NIBAN3: variants seen among roughly 807,000 people sequenced by gnomAD.
The protein encoded by NIBAN3 is protein Niban 3.
In NIBAN3, 66 loss-of-function variants were observed where a neutral mutation model predicts 76.4. That is an observed-to-expected ratio of 0.86 (90% confidence interval 0.71 to 1.06). The LOEUF is 1.06. NIBAN3 is among the 50% of genes least tolerant of loss of function. NIBAN3 has a pLI of 0.00. For synonymous variants in NIBAN3, 360 were observed against 355.2 expected, an observed-to-expected ratio of 1.01 and a Z score of -0.15; for missense variants, 808 against 810.7, an observed-to-expected ratio of 1.00 and a Z score of 0.04.
rs913123281 is a variant in NIBAN3 at position 17,542,073 on chromosome 19, G to T, written c.1171-63G>T. 14 of 1,585,424 alleles carry T rather than the reference G, an allele frequency of 8.8e-6. No individual in the cohort carries two copies. In the African/African-American group the frequency reaches 1.5e-4, roughly 17 times the overall value. On this transcript the variant is annotated intron_variant, in intron 9 of 14. Transcript: ENST00000599164. This position sits in a 1 kb window ranked among gnomAD's most constrained non-coding sequence, Gnocchi z 4.8. ...TCTCCTTTGGTGAATTGGTAATGGG[G>T]TCCCTGGCCCTTTGCAATCAGCTGA...
chr19:17,540,391 G>A lies in NIBAN3; in HGVS notation c.980-1G>A. The A allele has an allele frequency of 6.7e-7, 1 of 1,482,840 alleles. No homozygotes were observed. The highest frequency in any genetic ancestry group is 1.4e-5 in the South Asian group (1 of 73,860). 91.9% of individuals were successfully genotyped at this position (1,482,840 alleles called of 1,614,324 possible). A position where few individuals can be genotyped will look rare whatever the true frequency, so the allele number is the denominator to read the frequency against. On this transcript the variant is annotated splice_acceptor_variant, in intron 8 of 14. Transcript: ENST00000599164. LOFTEE classifies it high-confidence loss of function. ...TCCAGACCAGTGTCTTCCACTCCCA[G>A]CGGATATCAGGGGACCGCTCGAGTC...
Position 17,543,816 on chromosome 19 carries a change from C to T in NIBAN3, c.1554+185C>T, listed in dbSNP as rs185380486. On this transcript the variant is annotated intron_variant, in intron 12 of 14. Coordinates refer to ENST00000599164, the MANE Select transcript of NIBAN3 (RefSeq NM_001321827.2). Reference sequence around the variant, plus strand: ...GACTAGCCTGGCTAACATAGTGAAACCCTGTCTCTACTAAAAATACAAAAA... The same window carrying T: ...GACTAGCCTGGCTAACATAGTGAAATCCTGTCTCTACTAAAAATACAAAAA... 9.9e-5 allele frequency: 47 copies of T among 474,726 alleles called. No individual in the cohort carries two copies. The East Asian group carries it at 1.7e-3, about 17-fold the overall frequency. 29.4% of individuals were successfully genotyped at this position (474,726 alleles called of 1,614,324 possible).
intron 2 of NIBAN3, 148 bp downstream of exon 2, chr19:17,531,033 G>A (rs2075711880): frequency 2.0e-6 from 2 of 991,036 alleles, no homozygotes; most frequent in Non-Finnish European, 2.8e-6. Flanking sequence ...TCACTGAGCA[G>A]CCAAGCAAGG....
intron 8 of NIBAN3, 139 bp downstream of exon 8, chr19:17,539,904 T>G: frequency 7.5e-6 from 2 of 265,844 alleles, no homozygotes; most frequent in Non-Finnish European, 1.3e-5. Flanking sequence ...AAGCATAGGA[T>G]GTGCAAGGGA....
In NIBAN3 at chr19:17,527,498, A is replaced by G. The variant is rs1343244503; in HGVS notation, c.55+103A>G. 3.2e-6 allele frequency: 4 copies of G among 1,249,956 alleles called. No individual in the cohort carries two copies. In the African/African-American group the frequency reaches 6.1e-5, roughly 19 times the overall value. The allele number at this position is 1,249,956 out of a possible 1,614,324, so 77.4% of individuals were successfully genotyped here. ...AGCAGATGGGGTTCGGTTCAGACCT[A>G]GGGCTGTCAAAACACACAGGATGCC... On this transcript the variant is annotated intron_variant, in intron 1 of 14. Coordinates refer to ENST00000599164, the MANE Select transcript of NIBAN3 (RefSeq NM_001321827.2).
Position 17,542,689 on chromosome 19 carries a change from C to T in NIBAN3, c.1329+395C>T, listed in dbSNP as rs556869103. ...AGGCCGGCGACATGGACGGGCAGAT[C>T]GCGCAGTGCCTTGAGCGTGGGGCTA... On this transcript the variant is annotated intron_variant, in intron 10 of 14. Transcript: ENST00000599164. This position sits in a 1 kb window ranked among gnomAD's most constrained non-coding sequence, Gnocchi z 4.8. Among the ~76,000 whole-genome samples, 1 of 152,244 alleles carries T rather than the reference C, an allele frequency of 6.6e-6. No homozygotes were observed. Among genetic ancestry groups the T allele is most frequent in the South Asian group, 2.1e-4 (1 of 4,824 alleles).
chr19:17,530,676 C>A (rs2075703701), intron 1 of NIBAN3, 79 bp from the exon 2 acceptor site: 1 of 1,441,748 alleles, frequency 6.9e-7, no homozygotes, highest in Non-Finnish European at 9.2e-7. Context: ...AGGTGGCTTC[C>A]CTGTCTGTTT....
rs749723520 is a variant in NIBAN3 at position 17,542,310 on chromosome 19, G to A, written c.1329+16G>A. ...TGCACAGCAGGTGAGGGTGAGAGGA[G>A]GCTGGGATGAGGCCAGGCTGTGAAG... On this transcript the variant is annotated intron_variant, in intron 10 of 14. Coordinates refer to ENST00000599164, the MANE Select transcript of NIBAN3 (RefSeq NM_001321827.2). This position sits in a 1 kb window ranked among gnomAD's most constrained non-coding sequence, Gnocchi z 4.8. 40 of 1,589,612 alleles carry A rather than the reference G, an allele frequency of 2.5e-5. 1 individual carries two copies. The South Asian group carries it at 4.5e-4, about 18-fold the overall frequency.
chr19:17,532,820 C>T (rs976804817), intron 3 of NIBAN3, among the ~76,000 whole-genome samples: 17 of 151,642 alleles, frequency 1.1e-4, no homozygotes, highest in Non-Finnish European at 2.2e-4. Context: ...CGGACCGGCA[C>T]GTGGGGAGCC....
chr19:17,544,566 C>T (rs1025770446), intron 12 of NIBAN3, among the ~76,000 whole-genome samples: 3 of 152,280 alleles, frequency 2.0e-5, no homozygotes, highest in South Asian at 2.1e-4. Flanking sequence ...GGCCATGTCC[C>T]GGGAAGGGCA....
chr19:17,533,517 T>A, intron 3 of NIBAN3, 70 bp from the exon 4 acceptor site: 1 of 1,002,442 alleles, frequency 1.0e-6, no homozygotes, highest in Non-Finnish European at 1.6e-6. Context: ...CTTCCCTTGA[T>A]GGTATAGTTG....
At chr19:17,541,225 A>G (rs1337070290) in intron 9 of NIBAN3, among the ~76,000 whole-genome samples, 3 of 109,422 alleles carry the variant, frequency 2.7e-5, no homozygotes, top group Non-Finnish European at 5.8e-5. Context: ...ATACATACAT[A>G]CATATATACA....
intron 2 of NIBAN3, 136 bp downstream of exon 2, chr19:17,531,021 A>AT: frequency 9.3e-7 from 1 of 1,076,192 alleles, no homozygotes; most frequent in Non-Finnish European, 1.3e-6. Flanking sequence ...TTAAATAAAC[A>AT]TTCACTGAGC....
rs2076181311 is a variant in NIBAN3 at position 17,553,128 on chromosome 19, T to C, written c.*1230T>C. 1 of 879,208 alleles carries C rather than the reference T, an allele frequency of 1.1e-6. No homozygotes were observed. The highest frequency in any genetic ancestry group is 1.7e-5 in the African/African-American group (1 of 58,864). 54.5% of individuals were successfully genotyped at this position (879,208 alleles called of 1,614,324 possible). A position where few individuals can be genotyped will look rare whatever the true frequency, so the allele number is the denominator to read the frequency against. On this transcript the variant is annotated 3_prime_UTR_variant, in exon 15 of 15. Coordinates refer to ENST00000599164, the MANE Select transcript of NIBAN3 (RefSeq NM_001321827.2). ...AGCCATTTACATGTTTGTAGTTTTT[T>C]TTTTTTTAATTTCAGTGAATTGCCT...
rs1489246775 is a variant in NIBAN3 at position 17,546,873 on chromosome 19, A to T, written c.1666+76A>T. The T allele has an allele frequency of 2.0e-6, 3 of 1,507,084 alleles. No individual in the cohort carries two copies. In the East Asian group the frequency reaches 7.5e-5, roughly 37 times the overall value. The allele number at this position is 1,507,084 out of a possible 1,614,324, so 93.4% of individuals were successfully genotyped here. On this transcript the variant is annotated intron_variant, in intron 13 of 14. Coordinates refer to ENST00000599164, the MANE Select transcript of NIBAN3 (RefSeq NM_001321827.2). ...ATGTACCGAGCCCCACCAGGGCCACATCGACTCTCACTTCCTGTGAATACT... is the reference window on the plus strand; with the variant it reads ...ATGTACCGAGCCCCACCAGGGCCACTTCGACTCTCACTTCCTGTGAATACT...
At chr19:17,545,833 T>C (rs547545406) in intron 12 of NIBAN3, 2 of 294,506 alleles carry the variant, frequency 6.8e-6, no homozygotes, top group African/African-American at 2.2e-5. Flanking sequence ...GACGGTTAGG[T>C]CTCTGGATAA....
At chr19:17,547,930 G>A (rs2076090043) in intron 13 of NIBAN3, among the ~76,000 whole-genome samples, 1 of 152,236 alleles carries the variant, frequency 6.6e-6, no homozygotes, top group African/African-American at 2.4e-5. Flanking sequence ...CTCCCAAAGT[G>A]CTGGGATTAC....
rs564473582 is a variant in NIBAN3 at position 17,542,978 on chromosome 19, C to T, written c.1330-339C>T. ...GAAGACAGAGAGTGAGATGATCCAG[C>T]ACTACCTGGCACAGTTGTTCAGTTT... On this transcript the variant is annotated intron_variant, in intron 10 of 14. Transcript: ENST00000599164. The surrounding 1 kb of genome is among the most constrained non-coding windows in gnomAD (Gnocchi z 4.8). Among the ~76,000 whole-genome samples, 54 of 152,286 alleles carry T rather than the reference C, an allele frequency of 3.5e-4. No homozygotes were observed. Among genetic ancestry groups the T allele is most frequent in the African/African-American group, 1.3e-3 (53 of 41,558 alleles).
At position 17,542,138 on chromosome 19, in the gene NIBAN3, T is replaced by C; in HGVS notation, c.1173T>C (p.Val391=). The C allele has an allele frequency of 6.2e-7, 1 of 1,614,114 alleles. No homozygotes were observed. Among genetic ancestry groups the C allele is most frequent in the Non-Finnish European group, 8.5e-7 (1 of 1,180,010 alleles). ...CAAAACTGCTTCCGGGAGCACAGGT[T>C]TACTCATTTGGGGAGATGCCGTGGG... The part of the protein sequence containing the change: ...SPSGTRLRRE[V]YSFGEMPWDL... The change falls in exon 10 of 15, where the codon GTT becomes GTC. Residue 391 remains valine (V), a splice_region_variant and synonymous_variant. Coordinates refer to ENST00000599164, the MANE Select transcript of NIBAN3 (RefSeq NM_001321827.2). The surrounding 1 kb of genome is among the most constrained non-coding windows in gnomAD (Gnocchi z 4.8).
Sources: allele counts gnomAD v4.1 joint callset (sites outside exome capture counted in the v4.1 genomes callset), GRCh38; gene constraint gnomAD v4.1.1; non-coding constraint Gnocchi (gnomAD v3.1); transcripts MANE v1.5; gene names NCBI Gene and HGNC (gene_info 2026-07-23, HGNC 2026-07-21).